The following TMEM82 variants were observed in gnomAD, a reference collection of about 807,000 sequenced individuals.
TMEM82 encodes transmembrane protein 82.
TMEM82 carries 30 observed loss-of-function variants against 29.2 expected under a neutral mutation model. That is an observed-to-expected ratio of 1.03 (90% confidence interval 0.77 to 1.39). The LOEUF is 1.39. Among genes scored for constraint, TMEM82 ranks in the 40% most tolerant of loss-of-function variants. The pLI is 0.00. For synonymous variants in TMEM82, 221 were observed against 225.4 expected (o/e 0.98, Z 0.18); for missense variants, 442 against 447.7 (o/e 0.99, Z 0.12).
chr1:15,746,960 G>T lies in TMEM82; in HGVS notation c.851G>T (p.Arg284Leu), dbSNP rs11580250. The T allele has an allele frequency of 6.2e-7, 1 of 1,611,474 alleles. No individual in the cohort carries two copies. The highest frequency in any genetic ancestry group is 1.1e-5 in the South Asian group (1 of 91,070). ...GLFVLLLTVGRWLDLLGILVS... is the reference protein window; with the variant it reads ...GLFVLLLTVGLWLDLLGILVS... Reference sequence around the variant, plus strand: ...TTCGTGCTGCTGCTGACTGTGGGTCGCTGGCTGGACCTGCTGGGCATCCTT... The same window carrying T: ...TTCGTGCTGCTGCTGACTGTGGGTCTCTGGCTGGACCTGCTGGGCATCCTT... The change falls in exon 5 of 6, where the codon CGC becomes CTC. Residue 284 changes from arginine to leucine, a missense_variant. Transcript: ENST00000375782.
chr1:15,744,390 G>C lies in TMEM82; in HGVS notation c.567G>C (p.Val189=). ...ELHSSQRYCG[V]CLGLLAHAHG... ...ACAGCAGCCAGCGCTACTGTGGGGT[G>C]TGCCTGGGCCTGCTGGCCCATGCAC... The change falls in exon 4 of 6, where the codon GTG becomes GTC. Residue 189 remains valine (V), a synonymous_variant. Transcript: ENST00000375782. The surrounding 1 kb of genome is among the most constrained non-coding windows in gnomAD (Gnocchi z 5.2). 2 of 1,571,918 alleles carry C rather than the reference G, an allele frequency of 1.3e-6. No individual in the cohort carries two copies. Among genetic ancestry groups the C allele is most frequent in the South Asian group, 1.2e-5 (1 of 86,706 alleles).
chr1:15,747,587 G>T lies in TMEM82; in HGVS notation c.987G>T (p.Gln329His). Residue 329 changes from glutamine to histidine, a missense_variant, in exon 6 of 6, where the codon CAG becomes CAT. By Grantham distance (24) the Gln-to-His change is conservative. Coordinates refer to ENST00000375782, the MANE Select transcript of TMEM82 (RefSeq NM_001013641.3). ...SQRPPVSTPS[Q>H]PLPSAPQSQS... Reference sequence around the variant, plus strand: ...GGCCTCCAGTGTCAACACCAAGCCAGCCCCTGCCCTCGGCACCCCAGTCCC... The same window carrying T: ...GGCCTCCAGTGTCAACACCAAGCCATCCCCTGCCCTCGGCACCCCAGTCCC... 6.2e-7 allele frequency: 1 copy of T among 1,614,078 alleles called. No homozygotes were observed. Among genetic ancestry groups the T allele is most frequent in the Non-Finnish European group, 8.5e-7 (1 of 1,179,978 alleles).
intron 5 of TMEM82, among the ~76,000 whole-genome samples, 193 bp from the exon 6 acceptor site, chr1:15,747,353 G>A (rs551687286): frequency 1.3e-5 from 2 of 150,756 alleles, no homozygotes; most frequent in Admixed American, 6.6e-5. Context: ...GAGGGAGCTG[G>A]AATCACCTCT....
At chr1:15,746,766 C>A in intron 4 of TMEM82, 101 bp from the exon 5 acceptor site, 1 of 980,104 alleles carries the variant, frequency 1.0e-6, no homozygotes, top group Non-Finnish European at 1.5e-6. Context: ...AGGAGGGCTG[C>A]ACGGGAGGGG....
chr1:15,744,325 C>G lies in TMEM82; in HGVS notation c.502C>G (p.Arg168Gly). The G allele has an allele frequency of 6.5e-7, 1 of 1,542,962 alleles. No homozygotes were observed. Among genetic ancestry groups the G allele is most frequent in the Non-Finnish European group, 8.7e-7 (1 of 1,148,328 alleles). Residue 168 changes from arginine (R) to glycine (G), a missense_variant, in exon 4 of 6, where the codon CGG becomes GGG. By Grantham distance (125) the Arg-to-Gly change is moderately radical (BLOSUM62 -2). Coordinates refer to ENST00000375782, the MANE Select transcript of TMEM82 (RefSeq NM_001013641.3). This position sits in a 1 kb window ranked among gnomAD's most constrained non-coding sequence, Gnocchi z 5.2. ...GLATLLGLGA[R>G]RLHRHVCRLY... Reference sequence around the variant, plus strand: ...GGCCACGCTGCTGGGCCTGGGTGCCCGGCGCCTCCACCGCCACGTCTGCCG... The same window carrying G: ...GGCCACGCTGCTGGGCCTGGGTGCCGGGCGCCTCCACCGCCACGTCTGCCG...
Position 15,746,921 on chromosome 1 carries a change from G to A in TMEM82, c.812G>A (p.Arg271His), listed in dbSNP as rs771060812. The part of the protein sequence containing the change: ...LQSQVQTVLV[R>H]MGGLFVLLLT... ...AGCCAGGTGCAGACGGTGCTGGTGCGCATGGGCGGCCTCTTCGTGCTGCTG... is the reference window on the plus strand; with the variant it reads ...AGCCAGGTGCAGACGGTGCTGGTGCACATGGGCGGCCTCTTCGTGCTGCTG... Residue 271 changes from arginine to histidine, a missense_variant, in exon 5 of 6, where the codon CGC (arginine) becomes CAC (histidine). By Grantham distance (29) the Arg-to-His change is conservative. Coordinates refer to ENST00000375782, the MANE Select transcript of TMEM82 (RefSeq NM_001013641.3). The A allele has an allele frequency of 6.8e-6, 11 of 1,607,320 alleles. No homozygotes were observed. Among genetic ancestry groups the A allele is most frequent in the South Asian group, 3.3e-5 (3 of 90,908 alleles).
In TMEM82 at chr1:15,743,134, T is replaced by C. The variant is rs1398597227; in HGVS notation, c.276T>C (p.Ala92=). 6.2e-7 allele frequency: 1 copy of C among 1,611,860 alleles called. No individual in the cohort carries two copies. Among genetic ancestry groups the C allele is most frequent in the Admixed American group, 1.7e-5 (1 of 59,984 alleles). ...TGACGGTCGTGGGGTCCCGGGTGGCTGCCCTCGTGGTGCTCGAGTTCTCCC... is the reference window on the plus strand; with the variant it reads ...TGACGGTCGTGGGGTCCCGGGTGGCCGCCCTCGTGGTGCTCGAGTTCTCCC... The part of the protein sequence containing the change: ...LFLTVVGSRV[A]ALVVLEFSLR... Residue 92 remains alanine (A), a synonymous_variant, in exon 3 of 6, where the codon GCT becomes GCC. Coordinates refer to ENST00000375782, the MANE Select transcript of TMEM82 (RefSeq NM_001013641.3).
At chr1:15,742,812 C>A (rs773783796) in intron 1 of TMEM82, 23 bp from the exon 2 acceptor site, 35 of 1,608,388 alleles carry the variant, frequency 2.2e-5, no homozygotes, top group Non-Finnish European at 2.7e-5. Context: ...CGCTGCCTCG[C>A]TGCCTCCCTC....
rs375831732 is a variant in TMEM82 at position 15,747,530 on chromosome 1, C to T, written c.946-16C>T. 1.2e-5 allele frequency: 20 copies of T among 1,612,040 alleles called. No individual in the cohort carries two copies. The highest frequency in any genetic ancestry group is 1.5e-5 in the Non-Finnish European group (18 of 1,178,290). On this transcript the variant is annotated splice_polypyrimidine_tract_variant and intron_variant, in intron 5 of 5. Transcript: ENST00000375782. Reference sequence around the variant, plus strand: ...ATGGGTGAATGGGTGGTGTCATTCTCAACGCTTTTCCTCAGGATTTTCCAT... The same window carrying T: ...ATGGGTGAATGGGTGGTGTCATTCTTAACGCTTTTCCTCAGGATTTTCCAT...
chr1:15,744,493 A>G lies in TMEM82; in HGVS notation c.670A>G (p.Asn224Asp), dbSNP rs2068319191. 6.2e-7 allele frequency: 1 copy of G among 1,612,216 alleles called. No individual in the cohort carries two copies. The highest frequency in any genetic ancestry group is 8.5e-7 in the Non-Finnish European group (1 of 1,179,780). ...VGDLAAVALINQDFLTTSEAM... is the reference protein window; with the variant it reads ...VGDLAAVALIDQDFLTTSEAM... Reference sequence around the variant, plus strand: ...TGACCTGGCAGCTGTGGCCCTCATCAACCAGGACTTCCTGACCACCTCGGA... The same window carrying G: ...TGACCTGGCAGCTGTGGCCCTCATCGACCAGGACTTCCTGACCACCTCGGA... The change falls in exon 4 of 6, where the codon AAC becomes GAC. Residue 224 changes from asparagine to aspartate, a missense_variant. By Grantham distance (23) the Asn-to-Asp change is conservative (BLOSUM62 1). Transcript: ENST00000375782. This position sits in a 1 kb window ranked among gnomAD's most constrained non-coding sequence, Gnocchi z 5.2.
At position 15,742,957 on chromosome 1, in the gene TMEM82, C is replaced by T. The variant is rs368536466; in HGVS notation, c.161+50C>T. ...GGGAATGTGGCTGGGGGCACGGGGA[C>T]CCCCACCAGGGGTCGAAGGTGGCAG... On this transcript the variant is annotated intron_variant, in intron 2 of 5. Coordinates refer to ENST00000375782, the MANE Select transcript of TMEM82 (RefSeq NM_001013641.3). 5.6e-5 allele frequency: 90 copies of T among 1,606,626 alleles called. No individual in the cohort carries two copies. The Middle Eastern group carries it at 6.6e-4, about 12-fold the overall frequency.
Position 15,744,738 on chromosome 1 carries a change from T to A in TMEM82, c.757+158T>A, listed in dbSNP as rs541541292. 1.1e-4 allele frequency among the ~76,000 whole-genome samples: 16 copies of A among 152,272 alleles called. No individual in the cohort carries two copies. Among genetic ancestry groups the A allele is most frequent in the African/African-American group, 3.8e-4 (16 of 41,562 alleles). ...GCGGGGGCAGTGCAGAGAAGCAGCA[T>A]GTAGTGGGCACCCTGAGGTTGTAGT... On this transcript the variant is annotated intron_variant, in intron 4 of 5. Transcript: ENST00000375782. This position sits in a 1 kb window ranked among gnomAD's most constrained non-coding sequence, Gnocchi z 5.2.
rs1216658344 is a variant in TMEM82, at chr1:15,745,908, A to G, written c.758-959A>G. ...CATCTCAAACAAAAAAAAAAAAAAA[A>G]AAGAAGGGGTCTTGCCATGTTGCCC... On this transcript the variant is annotated intron_variant, in intron 4 of 5. Transcript: ENST00000375782. Among the ~76,000 whole-genome samples, 7 of 151,398 alleles carry G rather than the reference A, an allele frequency of 4.6e-5. 1 individual carries two copies. In the South Asian group the frequency reaches 8.4e-4, roughly 18 times the overall value.
chr1:15,747,442 C>G, intron 5 of TMEM82, 104 bp from the exon 6 acceptor site: 3 of 988,038 alleles, frequency 3.0e-6, no homozygotes, highest in Non-Finnish European at 4.8e-6. Context: ...TCTCCAGCAA[C>G]AACCCAGAGG....
chr1:15,747,460 G>A, intron 5 of TMEM82, 86 bp from the exon 6 acceptor site: 1 of 1,164,374 alleles, frequency 8.6e-7, no homozygotes, highest in Non-Finnish European at 1.3e-6. Flanking sequence ...AGGCCCAAGG[G>A]GGAGGAAGTG....
chr1:15,744,600 C>T lies in TMEM82; in HGVS notation c.757+20C>T, dbSNP rs906082907. On this transcript the variant is annotated intron_variant, in intron 4 of 5. Transcript: ENST00000375782. The surrounding 1 kb of genome is among the most constrained non-coding windows in gnomAD (Gnocchi z 5.2). Reference sequence around the variant, plus strand: ...TGCAGGGTGAGCGCTGCGGGGCCTGCTCCATTCAATCCACGCACATCCCTC... The same window carrying T: ...TGCAGGGTGAGCGCTGCGGGGCCTGTTCCATTCAATCCACGCACATCCCTC... 1 of 1,582,702 alleles carries T rather than the reference C, an allele frequency of 6.3e-7. No individual in the cohort carries two copies. Among genetic ancestry groups the T allele is most frequent in the African/African-American group, 1.3e-5 (1 of 74,502 alleles).
In TMEM82 at chr1:15,744,042, G is replaced by A. The variant is rs545157259; in HGVS notation, c.337-118G>A. 20 of 984,414 alleles carry A rather than the reference G, an allele frequency of 2.0e-5. No individual in the cohort carries two copies. Among genetic ancestry groups the A allele is most frequent in the African/African-American group, 9.9e-5 (6 of 60,588 alleles). 61.0% of individuals were successfully genotyped at this position (984,414 alleles called of 1,614,324 possible). A position where few individuals can be genotyped will look rare whatever the true frequency, so the allele number is the denominator to read the frequency against. On this transcript the variant is annotated intron_variant, in intron 3 of 5. Transcript: ENST00000375782. This position sits in a 1 kb window ranked among gnomAD's most constrained non-coding sequence, Gnocchi z 5.2. ...ATCCCCTAGGGCTTCATCTGAAGCC[G>A]ATGTGGCCCCTTCGGGAACCATCCC...
chr1:15,747,524 C>T (rs1192830381), intron 5 of TMEM82, 22 bp from the exon 6 acceptor site: 11 of 1,608,524 alleles, frequency 6.8e-6, no homozygotes, highest in Non-Finnish European at 8.5e-6. Context: ...TGGGTGGTGT[C>T]ATTCTCAACG....
Position 15,746,884 on chromosome 1 carries a change from C to T in TMEM82, c.775C>T (p.Pro259Ser). ...IYMQEEQRQHPGLQSQVQTVL... is the reference protein window; with the variant it reads ...IYMQEEQRQHSGLQSQVQTVL... ...TCCCACAGAGGAGCAGCGGCAGCAC[C>T]CCGGCCTGCAGAGCCAGGTGCAGAC... Residue 259 changes from proline (P) to serine (S), a missense_variant, in exon 5 of 6, where the codon CCC becomes TCC. Physicochemically the swap from Pro to Ser is moderately conservative, Grantham distance 74 (BLOSUM62 -1). Coordinates refer to ENST00000375782, the MANE Select transcript of TMEM82 (RefSeq NM_001013641.3). The T allele has an allele frequency of 6.3e-7, 1 of 1,591,604 alleles. No individual in the cohort carries two copies. The highest frequency in any genetic ancestry group is 1.7e-5 in the Admixed American group (1 of 58,030).
Sources: gnomAD v4.1 joint callset for allele counts (sites outside exome capture counted in the v4.1 genomes callset) on GRCh38, gnomAD v4.1.1 for gene constraint, Gnocchi (gnomAD v3.1) non-coding constraint, MANE v1.5 for transcripts, NCBI Gene and HGNC (gene_info 2026-07-23, HGNC 2026-07-21) for gene names.